Variants in CAPN15 observed in about 807,000 individuals in gnomAD.
The protein encoded by CAPN15 is calpain 15.
A neutral mutation model predicts 97.9 loss-of-function variants in CAPN15; 53 were observed. The observed-to-expected ratio is 0.54, with a 90% CI of 0.43 to 0.68. The LOEUF (loss-of-function observed/expected upper bound fraction) is 0.68, where lower values mean the gene tolerates loss of function less well. CAPN15 is among the 30% of genes least tolerant of loss of function. The pLI is 0.00. For synonymous variants in CAPN15, 922 were observed against 722.5 expected (o/e 1.28, Z -4.43); for missense variants, 1,592 against 1,589.8 (o/e 1.00, Z -0.02).
At chr16:531,755 C>T (rs560581832) in intron 1 of CAPN15, among the ~76,000 whole-genome samples, 12 of 152,086 alleles carry the variant, frequency 7.9e-5, no homozygotes, top group South Asian at 6.2e-4. Context: ...CAGGGCCACA[C>T]GGCTCCCAAG....
chr16:542,933 C>T (rs897940335), intron 3 of CAPN15, among the ~76,000 whole-genome samples: 23 of 152,106 alleles, frequency 1.5e-4, no homozygotes, highest in Admixed American at 1.4e-3. Context: ...CACCTATAAT[C>T]CTAGCTACTA....
intron 3 of CAPN15, chr16:538,911 G>T (rs2141987710): frequency 6.8e-6 from 1 of 148,128 alleles, no homozygotes; most frequent in East Asian, 2.0e-4. Context: ...CTGCCCCCAG[G>T]CCTCCCTGAG....
chr16:548,368 T>TG (rs1004030237), intron 4 of CAPN15, 81 bp downstream of exon 4: 2 of 1,347,224 alleles, frequency 1.5e-6, no homozygotes, highest in Admixed American at 3.3e-5. Flanking sequence ...GCTCTGGCGA[T>TG]GGGCTGGGGA....
intron 1 of CAPN15, chr16:528,846 C>T: frequency 1.2e-6 from 1 of 820,126 alleles, no homozygotes; most frequent in Non-Finnish European, 1.5e-6. Flanking sequence ...CTTCGGGAAA[C>T]CCGGATCTCT....
rs1424402642 is a variant in CAPN15, at chr16:552,036, T to TCCCGCCA, written c.2346-12_2346-6dup. The TCCCGCCA allele has an allele frequency of 5.8e-6, 9 of 1,547,038 alleles. No individual in the cohort carries two copies. In the Middle Eastern group the frequency reaches 6.6e-4, roughly 113 times the overall value. On this transcript the variant is annotated splice_polypyrimidine_tract_variant and intron_variant, in intron 9 of 13. Coordinates refer to ENST00000219611, the MANE Select transcript of CAPN15 (RefSeq NM_005632.3). The surrounding 1 kb of genome is among the most constrained non-coding windows in gnomAD (Gnocchi z 6.4). ...CCGTGGTAGGCTCAGGGCCCCGTCC[T>TCCCGCCA]CCCGCCACCTGCAGGTACTTCGACT...
At chr16:545,878 C>T (rs2034549030) in intron 3 of CAPN15, among the ~76,000 whole-genome samples, 1 of 152,256 alleles carries the variant, frequency 6.6e-6, no homozygotes, top group South Asian at 2.1e-4. Context: ...CCTCGGCAGC[C>T]AGGCCGAGGA....
chr16:553,543 C>G lies in CAPN15; in HGVS notation c.*27C>G. 2 of 1,519,814 alleles carry G rather than the reference C, an allele frequency of 1.3e-6. No homozygotes were observed. The highest frequency in any genetic ancestry group is 1.8e-6 in the Non-Finnish European group (2 of 1,110,740). 94.1% of individuals were successfully genotyped at this position (1,519,814 alleles called of 1,614,324 possible). ...CACCATGCCTGGGGCAGGGGCTGTG[C>G]ACAGACGGACCCCCCACCCCCACAC... On this transcript the variant is annotated 3_prime_UTR_variant, in exon 14 of 14. Coordinates refer to ENST00000219611, the MANE Select transcript of CAPN15 (RefSeq NM_005632.3).
intron 3 of CAPN15, among the ~76,000 whole-genome samples, chr16:536,369 G>A (rs910027405): frequency 1.3e-5 from 2 of 152,080 alleles, no homozygotes; most frequent in Non-Finnish European, 2.9e-5. Context: ...CCCTCCCATC[G>A]GAGTCTTCCT....
At position 553,356 on chromosome 16, in the gene CAPN15, T is replaced by G; in HGVS notation, c.3101T>G (p.Leu1034Trp). The G allele has an allele frequency of 6.2e-7, 1 of 1,605,700 alleles. No homozygotes were observed. The highest frequency in any genetic ancestry group is 8.5e-7 in the Non-Finnish European group (1 of 1,176,732). Residue 1034 changes from leucine to tryptophan, a missense_variant, in exon 14 of 14, where the codon TTG becomes TGG. Transcript: ENST00000219611. ...PPLHRQVLVI[L>W]SQLEGNAGFS... ...TCCCCCAGGCAGGTCCTGGTGATCT[T>G]GTCCCAGCTAGAGGGCAACGCCGGC...
chr16:553,158 G>A lies in CAPN15; in HGVS notation c.3083+117G>A, dbSNP rs1445089591. ...GCACAGGTGCCCCCTCCCCTACCCC[G>A]CTGCACCCACACCCAACCCATGCCC... On this transcript the variant is annotated intron_variant, in intron 13 of 13. Coordinates refer to ENST00000219611, the MANE Select transcript of CAPN15 (RefSeq NM_005632.3). 2.5e-4 allele frequency: 79 copies of A among 317,960 alleles called. 2 individuals are homozygous for A. The highest frequency in any genetic ancestry group is 1.3e-3 in the South Asian group (48 of 36,360). 19.7% of individuals were successfully genotyped at this position (317,960 alleles called of 1,614,324 possible).
intron 4 of CAPN15, among the ~76,000 whole-genome samples, chr16:548,780 G>A (rs1424553751): frequency 1.3e-5 from 2 of 152,244 alleles, no homozygotes; most frequent in Non-Finnish European, 2.9e-5. Flanking sequence ...CACGTCCCCT[G>A]CTCCTCACCT....
At chr16:550,932 C>T (rs1274541267) in intron 7 of CAPN15, among the ~76,000 whole-genome samples, 7 of 101,874 alleles carry the variant, frequency 6.9e-5, no homozygotes, top group East Asian at 3.0e-4. Context: ...GGTCCCCTTT[C>T]GGTGAGGGTC....
chr16:541,107 C>T (rs986523116), intron 3 of CAPN15, among the ~76,000 whole-genome samples: 22 of 152,368 alleles, frequency 1.4e-4, no homozygotes, highest in African/African-American at 5.0e-4. Flanking sequence ...CTGCACCTGG[C>T]GGCAGCTCCC....
rs1437201557 is a variant in CAPN15, at chr16:547,871, T to A, written c.1033T>A (p.Ser345Thr). 1 of 1,611,452 alleles carries A rather than the reference T, an allele frequency of 6.2e-7. No homozygotes were observed. ...SPSSPDFTTW[S>T]CAKCTLRNPT... ...CTCCAGCCCCGACTTCACCACCTGG[T>A]CATGTGCCAAGTGCACGCTCAGAAA... is the stretch of plus-strand genomic sequence containing the variant. Residue 345 changes from serine (S) to threonine (T), a missense_variant, in exon 4 of 14, where the codon TCA becomes ACA. Around this residue, in one of 3 missense-constraint regions of CAPN15, gnomAD observed 883 missense variants for 776.6 expected, o/e 1.14. Transcript: ENST00000219611.
chr16:553,822 C>T lies in CAPN15; in HGVS notation c.*306C>T, dbSNP rs2035276372. 1 of 311,266 alleles carries T rather than the reference C, an allele frequency of 3.2e-6. No individual in the cohort carries two copies. Among genetic ancestry groups the T allele is most frequent in the Admixed American group, 4.7e-5 (1 of 21,240 alleles). 19.3% of individuals were successfully genotyped at this position (311,266 alleles called of 1,614,324 possible). On this transcript the variant is annotated 3_prime_UTR_variant, in exon 14 of 14. Coordinates refer to ENST00000219611, the MANE Select transcript of CAPN15 (RefSeq NM_005632.3). ...CGGGGGCCGAGGCCAGGCTGCCCCTCCCTGTGGGCTCAGGGTCTCCTGCGG... is the reference window on the plus strand; with the variant it reads ...CGGGGGCCGAGGCCAGGCTGCCCCTTCCTGTGGGCTCAGGGTCTCCTGCGG...
At chr16:549,560 A>T in intron 6 of CAPN15, 55 bp from the exon 7 acceptor site, 2 of 243,716 alleles carry the variant, frequency 8.2e-6, no homozygotes, top group Non-Finnish European at 1.1e-5. Context: ...CTCTTCTCCC[A>T]GGGCGGGTAG....
rs867012120 is a variant in CAPN15, at chr16:550,738, G to C, written c.2067-564G>C. Among the ~76,000 whole-genome samples, 833 of 137,326 alleles carry C rather than the reference G, an allele frequency of 6.1e-3. 81 individuals carry two copies. The highest frequency in any genetic ancestry group is 0.025 in the African/African-American group (787 of 31,234). The allele number at this position is 137,326 out of a possible 152,430, so 90.1% of individuals were successfully genotyped here. A position where few individuals can be genotyped will look rare whatever the true frequency, so the allele number is the denominator to read the frequency against. On this transcript the variant is annotated intron_variant, in intron 7 of 13. Coordinates refer to ENST00000219611, the MANE Select transcript of CAPN15 (RefSeq NM_005632.3). ...CCCCTGTCGGTGAGGGTCCCCGTCG[G>C]TGAGGGTCCCGGTCGGTGAGGGTCC...
chr16:546,986 T>C lies in CAPN15; in HGVS notation c.148T>C (p.Cys50Arg). The C allele has an allele frequency of 6.2e-7, 1 of 1,610,156 alleles. No homozygotes were observed. ...CAGCGTGGAGGAGCAGAAATGGCCCTGCGCCCGCTGCACCTTCCGCAACTT... is the reference window on the plus strand; with the variant it reads ...CAGCGTGGAGGAGCAGAAATGGCCCCGCGCCCGCTGCACCTTCCGCAACTT... ...RLSVEEQKWPCARCTFRNFLG... is the reference protein window; with the variant it reads ...RLSVEEQKWPRARCTFRNFLG... The change falls in exon 4 of 14, where the codon TGC (cysteine) becomes CGC (arginine). Residue 50 changes from cysteine (C) to arginine (R), a missense_variant. Around this residue, in one of 3 missense-constraint regions of CAPN15, gnomAD observed 883 missense variants for 776.6 expected, o/e 1.14. Coordinates refer to ENST00000219611, the MANE Select transcript of CAPN15 (RefSeq NM_005632.3).
chr16:553,396 C>A lies in CAPN15; in HGVS notation c.3141C>A (p.His1047Gln). ...LEGNAGFSIT[H>Q]RLAHRKAAQA... ...GCAACGCCGGCTTCTCTATCACCCA[C>A]CGCCTGGCACATCGCAAGGCAGCCC... is the stretch of plus-strand genomic sequence containing the variant. The change falls in exon 14 of 14, where the codon CAC becomes CAA. Residue 1047 changes from histidine to glutamine, a missense_variant. His to Gln is a conservative substitution (Grantham distance 24). Coordinates refer to ENST00000219611, the MANE Select transcript of CAPN15 (RefSeq NM_005632.3). 2 of 1,610,784 alleles carry A rather than the reference C, an allele frequency of 1.2e-6. No individual in the cohort carries two copies. The highest frequency in any genetic ancestry group is 1.7e-6 in the Non-Finnish European group (2 of 1,179,334).
Sources: allele counts gnomAD v4.1 joint callset (sites outside exome capture counted in the v4.1 genomes callset), GRCh38; gene constraint gnomAD v4.1.1; regional missense constraint gnomAD v4.1.1; non-coding constraint Gnocchi (gnomAD v3.1); transcripts MANE v1.5; gene names NCBI Gene and HGNC (gene_info 2026-07-23, HGNC 2026-07-21).